ATL2: variants seen among roughly 807,000 people sequenced by gnomAD.
ATL2 encodes atlastin-2.
ATL2 carries 31 observed loss-of-function variants against 73.9 expected under a neutral mutation model. That is an observed-to-expected ratio of 0.42 (90% CI 0.32 to 0.57). The LOEUF is 0.57. Ranked by LOEUF, ATL2 falls within the 20% of genes least tolerant of loss-of-function variation. ATL2 has a pLI of 0.14. For missense variants in ATL2, 738 were observed against 702.6 expected, an observed-to-expected ratio of 1.05 and a Z score of -0.57; for synonymous variants, 291 against 237.5, an observed-to-expected ratio of 1.23 and a Z score of -2.07.
intron 2 of ATL2, among the ~76,000 whole-genome samples, chr2:38,332,164 G>A (rs979599377): frequency 1.3e-5 from 2 of 152,016 alleles, no homozygotes; most frequent in Non-Finnish European, 2.9e-5. Flanking sequence ...AGGATCTGGG[G>A]GTAACAGCCA....
chr2:38,306,623 G>A (rs1667462977), intron 9 of ATL2, among the ~76,000 whole-genome samples: 1 of 152,104 alleles, frequency 6.6e-6, no homozygotes, highest in Non-Finnish European at 1.5e-5. Flanking sequence ...GTGATACATC[G>A]TTATCACCAG....
chr2:38,365,162 CACAAAT>C (rs1371972705), intron 1 of ATL2, among the ~76,000 whole-genome samples: 25 of 134,826 alleles, frequency 1.9e-4, no homozygotes, highest in African/African-American at 9.0e-4. Context: ...CACACACACA[CACAAAT>C]ACACACACAC....
chr2:38,297,635 T>C (rs763612278), intron 12 of ATL2, among the ~76,000 whole-genome samples: 3 of 152,230 alleles, frequency 2.0e-5, no homozygotes, highest in African/African-American at 2.4e-5. Context: ...CAAAGTTTCC[T>C]TGGTAAGAAA....
At chr2:38,370,254 A>G (rs1671600865) in intron 1 of ATL2, among the ~76,000 whole-genome samples, 1 of 147,288 alleles carries the variant, frequency 6.8e-6, no homozygotes, top group African/African-American at 2.5e-5. Flanking sequence ...ACCTGAGGTC[A>G]GGAGTTTGAA....
intron 1 of ATL2, among the ~76,000 whole-genome samples, chr2:38,365,134 T>TACACACACACACACACACACACAC (rs541325892): frequency 2.0e-4 from 27 of 132,738 alleles, no homozygotes; most frequent in South Asian, 7.3e-4. Context: ...AAGGGAATCA[T>TACACACACACACACACACACACAC]ACACACACAC....
rs111531452 is a variant in ATL2 at position 38,300,975 on chromosome 2, C to CTT, written c.1072-649_1072-648dup. Among the ~76,000 whole-genome samples, 984 of 141,332 alleles carry CTT rather than the reference C, an allele frequency of 7.0e-3. 23 individuals carry two copies. The highest frequency in any genetic ancestry group is 0.024 in the African/African-American group (911 of 37,410). The allele number at this position is 141,332 out of a possible 152,430, so 92.7% of individuals were successfully genotyped here. Reference sequence around the variant, plus strand: ...ATATAGGGTCTTTCATCTCAACTTTCTTTTTTTTTTTTGAGAAGGAATTTC... The same window carrying CTT: ...ATATAGGGTCTTTCATCTCAACTTTCTTTTTTTTTTTTTTGAGAAGGAATTTC... On this transcript the variant is annotated intron_variant, in intron 9 of 12. Transcript: ENST00000378954.
chr2:38,355,884 C>T (rs1417267054), intron 1 of ATL2, among the ~76,000 whole-genome samples: 1 of 151,526 alleles, frequency 6.6e-6, no homozygotes, highest in Non-Finnish European at 1.5e-5. Context: ...TTAGTAGAGA[C>T]AGGTTTCACC....
intron 1 of ATL2, among the ~76,000 whole-genome samples, chr2:38,353,201 A>G (rs2124442511): frequency 6.6e-6 from 1 of 152,358 alleles, no homozygotes; most frequent in African/African-American, 2.4e-5. Flanking sequence ...AAGGACTTAC[A>G]GGAAAATAAA....
chr2:38,378,174 TCTC>T (rs1156601658), upstream of ATL2, among the ~76,000 whole-genome samples: 2 of 152,158 alleles, frequency 1.3e-5, no homozygotes, highest in Non-Finnish European at 2.9e-5. Flanking sequence ...AAATTCCTCT[TCTC>T]CAGTAAAAAC....
At chr2:38,350,207 T>A (rs972737410) in intron 1 of ATL2, among the ~76,000 whole-genome samples, 1 of 152,168 alleles carries the variant, frequency 6.6e-6, no homozygotes, top group African/African-American at 2.4e-5. Context: ...CTAAGACAAG[T>A]AGATTTCAGC....
chr2:38,296,051 A>T lies in ATL2; in HGVS notation c.1695T>A (p.Ser565=). The T allele has an allele frequency of 6.4e-7, 1 of 1,551,706 alleles. No homozygotes were observed. Among genetic ancestry groups the T allele is most frequent in the Non-Finnish European group, 8.7e-7 (1 of 1,146,826 alleles). The change falls in exon 13 of 13, where the codon TCT becomes TCA. Residue 565 remains serine (S), a synonymous_variant. Transcript: ENST00000378954. ...EENIRQSVTN[S]IKAGLTDQVS... ...CCTGGTCAGTCAGGCCTGCTTTGATAGAGTTTGTTACAGACTGCCTTATGT... is the reference window on the plus strand; with the variant it reads ...CCTGGTCAGTCAGGCCTGCTTTGATTGAGTTTGTTACAGACTGCCTTATGT...
intron 1 of ATL2, among the ~76,000 whole-genome samples, chr2:38,349,224 G>T (rs1361405581): frequency 6.6e-6 from 1 of 152,022 alleles, no homozygotes; most frequent in Non-Finnish European, 1.5e-5. Flanking sequence ...ACATGCACAC[G>T]TATGTTCGTT....
intron 1 of ATL2, 75 bp downstream of exon 1, chr2:38,377,068 C>G (rs1396990965): frequency 1.4e-6 from 2 of 1,422,262 alleles, no homozygotes; most frequent in Non-Finnish European, 1.9e-6. Flanking sequence ...CCGCCTGCGG[C>G]CGGTGCCCGC....
chr2:38,305,511 T>C (rs940981230), intron 9 of ATL2, among the ~76,000 whole-genome samples: 1 of 152,008 alleles, frequency 6.6e-6, no homozygotes, highest in African/African-American at 2.4e-5. Context: ...ACTGCTCCGC[T>C]GCACTCCAGC....
At chr2:38,340,347 T>G (rs1039654744) in intron 2 of ATL2, among the ~76,000 whole-genome samples, 12 of 151,910 alleles carry the variant, frequency 7.9e-5, no homozygotes, top group East Asian at 5.8e-4. Flanking sequence ...GGAAAAAAAT[T>G]TTTAAGGAAA....
chr2:38,316,680 C>A (rs1012977096), intron 4 of ATL2, among the ~76,000 whole-genome samples: 1 of 152,054 alleles, frequency 6.6e-6, no homozygotes, highest in Non-Finnish European at 1.5e-5. Context: ...TCTGACTGCA[C>A]ACAACAACCA....
chr2:38,299,365 C>G, intron 10 of ATL2, 38 bp from the exon 11 acceptor site: 1 of 1,501,462 alleles, frequency 6.7e-7, no homozygotes, highest in African/African-American at 1.5e-5. Flanking sequence ...GCAAAAAATA[C>G]TCTATGACTC....
chr2:38,296,768 G>C, intron 12 of ATL2: 1 of 1,548,308 alleles, frequency 6.5e-7, no homozygotes, highest in East Asian at 2.4e-5. Context: ...ACAGATCTCT[G>C]ACTAGCTGAT....
chr2:38,296,745 T>C lies in ATL2; in HGVS notation c.1633-632A>G, dbSNP rs745510379. On this transcript the variant is annotated intron_variant, in intron 12 of 12. Coordinates refer to ENST00000378954, the MANE Select transcript of ATL2 (RefSeq NM_001135673.4). ...AAATGCAAAGAAATTTAGACAAGGT[T>C]TGTTGACACAGCACAGATCTCTGAC... 3.9e-6 allele frequency: 6 copies of C among 1,551,328 alleles called. No individual in the cohort carries two copies. In the East Asian group the frequency reaches 1.2e-4, roughly 32 times the overall value.
Sources: gnomAD v4.1 joint callset for allele counts (sites outside exome capture counted in the v4.1 genomes callset) on GRCh38, gnomAD v4.1.1 for gene constraint, MANE v1.5 for transcripts, NCBI Gene and HGNC (gene_info 2026-07-23, HGNC 2026-07-21) for gene names.